ADGRL2: variants seen among roughly 807,000 people sequenced by gnomAD.
The protein encoded by ADGRL2 is calcium-independent alpha-latrotoxin receptor 2.
ADGRL2 carries 44 observed loss-of-function variants against 157.4 expected under a neutral mutation model. The ratio of observed to expected loss-of-function variants is 0.28; its 90% confidence interval spans 0.22 to 0.36. The LOEUF (loss-of-function observed/expected upper bound fraction) is 0.36. ADGRL2 is among the 10% of genes least tolerant of loss of function. The probability of loss-of-function intolerance (pLI) is 1.00; values close to 1 mark genes in which losing one functional copy is unlikely to be tolerated. For missense variants in ADGRL2, 1,510 were observed against 1,768.9 expected (o/e 0.85, Z 2.63); for synonymous variants, 585 against 624.7 (o/e 0.94, Z 0.95).
intron 2 of ADGRL2, among the ~76,000 whole-genome samples, chr1:81,552,335 T>C (rs2080166393): frequency 6.6e-6 from 1 of 152,134 alleles, no homozygotes; most frequent in Admixed American, 6.5e-5. Flanking sequence ...ATGAGAGATA[T>C]ATTTTCATCT....
chr1:81,530,873 G>A (rs1011421692), intron 2 of ADGRL2, among the ~76,000 whole-genome samples: 11 of 151,796 alleles, frequency 7.2e-5, no homozygotes, highest in Admixed American at 2.0e-4. Flanking sequence ...TCACGAGGTC[G>A]GGAGTTCGAG....
chr1:81,877,086 G>C (rs543778822), intron 2 of ADGRL2, among the ~76,000 whole-genome samples: 39 of 152,090 alleles, frequency 2.6e-4, no homozygotes, highest in African/African-American at 9.2e-4. Context: ...TAATAGTTTT[G>C]TATTAAATTG....
intron 2 of ADGRL2, among the ~76,000 whole-genome samples, chr1:81,462,584 G>A (rs1425858196): frequency 1.3e-5 from 2 of 152,142 alleles, no homozygotes; most frequent in Admixed American, 6.5e-5. Flanking sequence ...TGCGTGTGAT[G>A]TAAAGTTACC....
intron 1 of ADGRL2, among the ~76,000 whole-genome samples, chr1:81,365,368 C>T (rs1173936101): frequency 6.6e-6 from 1 of 151,428 alleles, no homozygotes; most frequent in Admixed American, 6.6e-5. Context: ...CTGGATAGAA[C>T]TTATGGAAAC....
At chr1:81,611,180 T>C (rs1466357925) in intron 3 of ADGRL2, among the ~76,000 whole-genome samples, 1 of 152,182 alleles carries the variant, frequency 6.6e-6, no homozygotes, top group Non-Finnish European at 1.5e-5. Flanking sequence ...TGAAATGTGG[T>C]TCTTCATATA....
intron 3 of ADGRL2, among the ~76,000 whole-genome samples, chr1:81,587,010 CA>C (rs1329494168): frequency 1.3e-5 from 2 of 152,042 alleles, no homozygotes; most frequent in Non-Finnish European, 2.9e-5. Context: ...AGAGACTCTT[CA>C]GTTTCAAAAT....
At chr1:81,367,196 C>T (rs1570740944) in intron 1 of ADGRL2, among the ~76,000 whole-genome samples, 1 of 151,236 alleles carries the variant, frequency 6.6e-6, no homozygotes, top group East Asian at 2.0e-4. Context: ...GGCAGTAACT[C>T]TTGTTTTGTT....
At chr1:81,417,096 T>C (rs1238026963) in intron 1 of ADGRL2, among the ~76,000 whole-genome samples, 3 of 152,214 alleles carry the variant, frequency 2.0e-5, no homozygotes, top group Non-Finnish European at 4.4e-5. Flanking sequence ...CTTTACTTTA[T>C]TATTTTTCTA....
intron 1 of ADGRL2, among the ~76,000 whole-genome samples, chr1:81,345,836 T>A (rs534007525): frequency 6.6e-6 from 1 of 152,338 alleles, no homozygotes; most frequent in Admixed American, 6.5e-5. Context: ...ATATAGATAT[T>A]CAATTGATAT....
At chr1:81,820,794 G>A (rs2090915286) in intron 1 of ADGRL2, among the ~76,000 whole-genome samples, 1 of 151,342 alleles carries the variant, frequency 6.6e-6, no homozygotes, top group African/African-American at 2.4e-5. Context: ...GGGCAATTAT[G>A]TAAAAAAGAT....
At chr1:81,334,637 T>C (rs368561857) in intron 1 of ADGRL2, among the ~76,000 whole-genome samples, 3 of 152,222 alleles carry the variant, frequency 2.0e-5, no homozygotes, top group East Asian at 3.9e-4. Flanking sequence ...TTGTTAACAT[T>C]TACACAGGGC....
chr1:81,373,999 G>A (rs1222145540), intron 1 of ADGRL2, among the ~76,000 whole-genome samples: 1 of 152,134 alleles, frequency 6.6e-6, no homozygotes, highest in African/African-American at 2.4e-5. Context: ...CAAGGATACC[G>A]TGGATAAGAA....
At chr1:81,906,949 A>G (rs2094595964) in intron 2 of ADGRL2, 68 bp from the exon 3 acceptor site, 2 of 1,244,132 alleles carry the variant, frequency 1.6e-6, no homozygotes, top group African/African-American at 1.5e-5. Context: ...TTACTTGAAA[A>G]TGCTTTACTA....
intron 2 of ADGRL2, among the ~76,000 whole-genome samples, chr1:81,535,024 C>T (rs1304628492): frequency 1.3e-5 from 2 of 152,154 alleles, no homozygotes; most frequent in African/African-American, 4.8e-5. Flanking sequence ...ACAATCAGGG[C>T]CTGCTGGTTC....
chr1:81,427,590 G>A, intron 1 of ADGRL2: 1 of 725,648 alleles, frequency 1.4e-6, no homozygotes, highest in South Asian at 1.4e-5. Context: ...GGACATGGTG[G>A]ATATAGGAGC....
chr1:81,489,532 A>G (rs1049077344), intron 2 of ADGRL2, among the ~76,000 whole-genome samples: 1 of 152,226 alleles, frequency 6.6e-6, no homozygotes, highest in East Asian at 1.9e-4. Context: ...GAGAGACAGG[A>G]AAAAGAAGAA....
At chr1:81,347,016 A>T (rs1662527482) in intron 1 of ADGRL2, among the ~76,000 whole-genome samples, 1 of 152,202 alleles carries the variant, frequency 6.6e-6, no homozygotes, top group Admixed American at 6.5e-5. Context: ...TGAGGGCTCA[A>T]AGGAAATAAG....
At chr1:81,471,482 A>G (rs2078170574) in intron 2 of ADGRL2, among the ~76,000 whole-genome samples, 1 of 152,062 alleles carries the variant, frequency 6.6e-6, no homozygotes, top group African/African-American at 2.4e-5. Context: ...TTTAATAAGG[A>G]CTCATTAGTA....
chr1:81,817,433 AT>A (rs2090524234), intron 1 of ADGRL2, among the ~76,000 whole-genome samples: 1 of 152,090 alleles, frequency 6.6e-6, no homozygotes, highest in Admixed American at 6.6e-5. Context: ...TTGGTAATAA[AT>A]CTAGAAAAGT....
Sources: gnomAD v4.1 joint callset for allele counts (sites outside exome capture counted in the v4.1 genomes callset) on GRCh38, gnomAD v4.1.1 for gene constraint, MANE v1.5 for transcripts, NCBI Gene and HGNC (gene_info 2026-07-23, HGNC 2026-07-21) for gene names.